Variants in ANAPC10 observed in about 807,000 individuals in gnomAD.
ANAPC10 encodes the protein anaphase promoting complex subunit 10, also known as anaphase-promoting complex subunit 10.
In ANAPC10, 12 loss-of-function variants were observed where a neutral mutation model predicts 22.0. That is an observed-to-expected ratio of 0.55 (90% CI 0.35 to 0.88). The LOEUF (loss-of-function observed/expected upper bound fraction) is 0.88, where lower values mean the gene tolerates loss of function less well. ANAPC10 is among the 40% of genes least tolerant of loss of function. ANAPC10 has a pLI of 0.01. For synonymous variants in ANAPC10, 65 were observed against 69.5 expected, an observed-to-expected ratio of 0.94 and a Z score of 0.32; for missense variants, 188 against 220.9, an observed-to-expected ratio of 0.85 and a Z score of 0.94.
intron 3 of ANAPC10, among the ~76,000 whole-genome samples, chr4:145,069,252 T>C (rs1310411859): frequency 2.0e-5 from 3 of 152,112 alleles, no homozygotes; most frequent in Admixed American, 1.3e-4. Flanking sequence ...CAACTGAGTT[T>C]TCTGGCTGCA....
intron 4 of ANAPC10, among the ~76,000 whole-genome samples, chr4:145,004,308 G>A (rs149909888): frequency 2.6e-5 from 4 of 152,176 alleles, no homozygotes; most frequent in African/African-American, 7.2e-5. Context: ...TTTGAGTTCC[G>A]ATCTTCCTAT....
At position 145,013,603 on chromosome 4, in the gene ANAPC10, G is replaced by A. The variant is rs563986770; in HGVS notation, c.328-18000C>T. Among the ~76,000 whole-genome samples the A allele has an allele frequency of 2.6e-5, 4 of 152,244 alleles. No individual in the cohort carries two copies. The East Asian group carries it at 7.7e-4, about 29-fold the overall frequency. ...ATGGGAGGCAGTAGATTGCAGCTCT[G>A]ACTCGGATGAACAGAGCAGCATGTG... On this transcript the variant is annotated intron_variant, in intron 4 of 4. Coordinates refer to ENST00000507656, the MANE Select transcript of ANAPC10 (RefSeq NM_001256706.2).
At chr4:145,035,717 T>A (rs1184027437) in intron 4 of ANAPC10, among the ~76,000 whole-genome samples, 2 of 152,254 alleles carry the variant, frequency 1.3e-5, no homozygotes, top group African/African-American at 4.8e-5. Flanking sequence ...CCACTTTACA[T>A]AAATCTTCAC....
intron 4 of ANAPC10, among the ~76,000 whole-genome samples, chr4:145,016,350 T>C (rs1429357879): frequency 6.6e-6 from 1 of 152,186 alleles, no homozygotes. Context: ...AGCCAAATCA[T>C]GAGTGAACTC....
At chr4:145,026,107 T>C (rs1187370398) in intron 4 of ANAPC10, among the ~76,000 whole-genome samples, 1 of 152,176 alleles carries the variant, frequency 6.6e-6, no homozygotes, top group African/African-American at 2.4e-5. Flanking sequence ...GCAGATCACT[T>C]TGTAGTTTCC....
At chr4:145,026,945 A>ATATATATATATATCTGAG (rs1287102797) in intron 4 of ANAPC10, among the ~76,000 whole-genome samples, 1 of 17,138 alleles carries the variant, frequency 5.8e-5, no homozygotes, top group South Asian at 5.3e-3. Flanking sequence ...ATATATATAT[A>ATATATATATATATCTGAG]TGTGTGTGTG....
At chr4:145,088,742 T>A (rs577174363) in intron 2 of ANAPC10, among the ~76,000 whole-genome samples, 220 of 152,322 alleles carry the variant, frequency 1.4e-3, no homozygotes, top group Non-Finnish European at 2.7e-3. Context: ...CTTTTAAAAA[T>A]TCTGTATCAG....
In ANAPC10 at chr4:145,074,656, A is replaced by C. The variant is rs114863598; in HGVS notation, c.206+7004T>G. On this transcript the variant is annotated intron_variant, in intron 3 of 4. Transcript: ENST00000507656. ...AGCATAATGTATTTTAATTAGACCT[A>C]ATCAGAACCATTAGGACTAAACATG... Among the ~76,000 whole-genome samples, 1,057 of 152,310 alleles carry C rather than the reference A, an allele frequency of 6.9e-3. 7 individuals are homozygous for C. The highest frequency in any genetic ancestry group is 0.02 in the Middle Eastern group (6 of 294).
At chr4:145,059,835 C>A (rs1742619908) in intron 4 of ANAPC10, among the ~76,000 whole-genome samples, 1 of 151,876 alleles carries the variant, frequency 6.6e-6, no homozygotes, top group African/African-American at 2.4e-5. Context: ...GTTCTTTGGT[C>A]CATTGCTCTA....
At chr4:145,018,107 T>TA (rs1310152619) in intron 4 of ANAPC10, among the ~76,000 whole-genome samples, 1 of 142,350 alleles carries the variant, frequency 7.0e-6, no homozygotes, top group African/African-American at 2.5e-5. Context: ...CCCTAGAACT[T>TA]AGAGTATAAT....
intron 4 of ANAPC10, among the ~76,000 whole-genome samples, chr4:145,054,916 A>G (rs1485876750): frequency 6.6e-6 from 1 of 152,152 alleles, no homozygotes; most frequent in African/African-American, 2.4e-5. Context: ...CTTCTACTTT[A>G]TAACTTCAGT....
At chr4:145,090,591 C>T (rs2126645338) in intron 2 of ANAPC10, among the ~76,000 whole-genome samples, 1 of 152,268 alleles carries the variant, frequency 6.6e-6, no homozygotes, top group South Asian at 2.1e-4. Context: ...GTCTTGAATT[C>T]CAGAATTTCC....
intron 3 of ANAPC10, among the ~76,000 whole-genome samples, chr4:145,078,289 AAT>A (rs1183746597): frequency 4.3e-4 from 65 of 152,278 alleles, no homozygotes; most frequent in Middle Eastern, 3.4e-3. Flanking sequence ...CAAAAAAAAA[AAT>A]AAAACACCTG....
intron 4 of ANAPC10, among the ~76,000 whole-genome samples, chr4:145,024,937 C>T (rs1282838147): frequency 2.0e-5 from 3 of 152,194 alleles, no homozygotes; most frequent in Non-Finnish European, 4.4e-5. Context: ...TATCTACCCT[C>T]ATCAACTATT....
chr4:145,022,947 A>G (rs532180855), intron 4 of ANAPC10, among the ~76,000 whole-genome samples: 30 of 152,088 alleles, frequency 2.0e-4, no homozygotes, highest in Non-Finnish European at 3.5e-4. Context: ...ATATGTTTAC[A>G]TGTGCCATGT....
intron 4 of ANAPC10, among the ~76,000 whole-genome samples, chr4:145,040,622 A>C (rs1030086993): frequency 1.3e-5 from 2 of 152,226 alleles, no homozygotes; most frequent in Non-Finnish European, 2.9e-5. Context: ...AGTTCATAGA[A>C]AGGTTATACA....
At chr4:145,020,844 A>AT (rs1451968305) in intron 4 of ANAPC10, among the ~76,000 whole-genome samples, 1 of 151,936 alleles carries the variant, frequency 6.6e-6, no homozygotes, top group African/African-American at 2.4e-5. Context: ...GCTGCAAAAA[A>AT]AAAAATAAAA....
chr4:145,084,325 C>G (rs192377737), intron 2 of ANAPC10, among the ~76,000 whole-genome samples: 63 of 152,220 alleles, frequency 4.1e-4, no homozygotes, highest in African/African-American at 1.1e-3. Context: ...TGGTAAGATT[C>G]AGGGGCATTC....
At chr4:145,026,529 T>C (rs1736684078) in intron 4 of ANAPC10, among the ~76,000 whole-genome samples, 1 of 151,924 alleles carries the variant, frequency 6.6e-6, no homozygotes, top group Non-Finnish European at 1.5e-5. Flanking sequence ...GTGCAAAGAC[T>C]GGAAGGAGGT....
Sources: gnomAD v4.1 joint callset for allele counts (sites outside exome capture counted in the v4.1 genomes callset) on GRCh38, gnomAD v4.1.1 for gene constraint, MANE v1.5 for transcripts, NCBI Gene and HGNC (gene_info 2026-07-23, HGNC 2026-07-21) for gene names.